RPS6KC1: variants seen among roughly 807,000 people sequenced by gnomAD.
RPS6KC1 encodes the protein inactive ribosomal protein S6 kinase delta-1.
Under a neutral mutation model 103.8 loss-of-function variants are expected in RPS6KC1, and 54 were observed. That is an observed-to-expected ratio of 0.52 (90% confidence interval 0.42 to 0.65). RPS6KC1 has a LOEUF of 0.65. Among genes scored for constraint, RPS6KC1 ranks in the 30% least tolerant of loss-of-function variants. The pLI is 0.00. For synonymous variants in RPS6KC1, 439 were observed against 438.7 expected, an observed-to-expected ratio of 1.00 and a Z score of -0.01; for missense variants, 1,151 against 1,253.8, an observed-to-expected ratio of 0.92 and a Z score of 1.24.
At position 213,238,863 on chromosome 1, in the gene RPS6KC1, GTCA is replaced by G. The variant is rs149604241; in HGVS notation, c.1226-1833_1226-1831del. The stretch of plus-strand genomic sequence containing the variant: ...AAGACTTGATCCTTTCCTCAAAGTA[GTCA>G]TCATCTAGGAGAATTGAAAACCACC... On this transcript the variant is annotated intron_variant, in intron 10 of 14. Coordinates refer to ENST00000366960, the MANE Select transcript of RPS6KC1 (RefSeq NM_012424.6). Among the ~76,000 whole-genome samples, 662 of 152,248 alleles carry G rather than the reference GTCA, an allele frequency of 4.3e-3. 4 individuals carry two copies. Among genetic ancestry groups the G allele is most frequent in the African/African-American group, 0.015 (638 of 41,558 alleles).
chr1:213,623,854 C>G, the RPS6KC1 span, among the ~76,000 whole-genome samples: 626 of 152,314 alleles, frequency 4.1e-3, 6 homozygotes, highest in African/African-American at 0.014. Context: ...CAGCAAGGTG[C>G]TGTGTGTATT....
chr1:213,177,796 C>G (rs2091973124), intron 8 of RPS6KC1, among the ~76,000 whole-genome samples: 1 of 152,004 alleles, frequency 6.6e-6, no homozygotes, highest in African/African-American at 2.4e-5. Flanking sequence ...GTGTCTGCCC[C>G]CTCTCTTAGA....
the RPS6KC1 span, among the ~76,000 whole-genome samples, chr1:213,294,365 A>G: frequency 6.6e-6 from 1 of 152,188 alleles, no homozygotes. Context: ...TGGTCAATAG[A>G]GAGGCCAAGT....
chr1:213,481,066 A>G, the RPS6KC1 span, among the ~76,000 whole-genome samples: 1 of 152,176 alleles, frequency 6.6e-6, no homozygotes, highest in Non-Finnish European at 1.5e-5. Context: ...AGATTGGTCT[A>G]TATTTTTCTT....
rs1423781943 is a variant in RPS6KC1, at chr1:213,240,897, GT to G, written c.1422del (p.Ser474ArgfsTer40). ...GSMLKALPLK[S>X]SLTPSSQDDS... ...ATGCTTAAAGCTCTGCCTTTGAAGA[GT>G]AGTCTTACTCCAAGTTCTCAAGATG... is the stretch of plus-strand genomic sequence containing the variant. On this transcript the variant is annotated frameshift_variant, in exon 11 of 15. Transcript: ENST00000366960. LOFTEE classifies it high-confidence loss of function. 6.2e-7 allele frequency: 1 copy of G among 1,613,900 alleles called. No individual in the cohort carries two copies. The highest frequency in any genetic ancestry group is 8.5e-7 in the Non-Finnish European group (1 of 1,179,898).
chr1:213,380,788 G>A, the RPS6KC1 span, among the ~76,000 whole-genome samples: 6 of 152,262 alleles, frequency 3.9e-5, no homozygotes, highest in East Asian at 1.2e-3. Context: ...CTTCTTCCTC[G>A]TCTCAGTATT....
At chr1:213,277,442 CTGAG>C (rs1451572918), downstream of RPS6KC1, among the ~76,000 whole-genome samples, 1 of 152,138 alleles carries the variant, frequency 6.6e-6, no homozygotes, top group Non-Finnish European at 1.5e-5. Context: ...AGAAAGTAAC[CTGAG>C]TGAGTAAGTT....
At chr1:213,158,898 C>T (rs2090188047) in intron 6 of RPS6KC1, among the ~76,000 whole-genome samples, 1 of 152,022 alleles carries the variant, frequency 6.6e-6, no homozygotes, top group Non-Finnish European at 1.5e-5. Flanking sequence ...AGATTACTTA[C>T]CCAGAACCTT....
At chr1:213,473,425 TG>T in the RPS6KC1 span, among the ~76,000 whole-genome samples, 1 of 152,228 alleles carries the variant, frequency 6.6e-6, no homozygotes, top group Non-Finnish European at 1.5e-5. Context: ...ACTTAGTTCC[TG>T]ACTTCTCTTT....
chr1:213,103,040 C>A (rs1194220484), intron 3 of RPS6KC1, among the ~76,000 whole-genome samples: 1 of 152,052 alleles, frequency 6.6e-6, no homozygotes, highest in Non-Finnish European at 1.5e-5. Flanking sequence ...GACCCTCTCT[C>A]TACAAAATAA....
chr1:213,691,889 G>T, the RPS6KC1 span, among the ~76,000 whole-genome samples: 1 of 152,170 alleles, frequency 6.6e-6, no homozygotes, highest in African/African-American at 2.4e-5. Context: ...TCCCAAAGGG[G>T]CAGGAAGGCT....
chr1:213,230,528 A>T lies in RPS6KC1; in HGVS notation c.1076A>T (p.Gln359Leu). Residue 359 changes from glutamine (Q) to leucine (L), a missense_variant, in exon 9 of 15, where the codon CAG (glutamine) becomes CTG (leucine). Coordinates refer to ENST00000366960, the MANE Select transcript of RPS6KC1 (RefSeq NM_012424.6). ...CTTGTAATGGACACAAGGACAGAAC[A>T]GACTTTCATTTTAAAAGTAAGTAAA... The part of the protein sequence containing the change: ...VLLVMDTRTE[Q>L]TFILKGLRKS... 3.7e-6 allele frequency: 6 copies of T among 1,605,708 alleles called. No homozygotes were observed. The highest frequency in any genetic ancestry group is 5.1e-6 in the Non-Finnish European group (6 of 1,175,680).
At position 213,219,619 on chromosome 1, in the gene RPS6KC1, A is replaced by G. The variant is rs1278569872; in HGVS notation, c.1045-10878A>G. On this transcript the variant is annotated intron_variant, in intron 8 of 14. Transcript: ENST00000366960. ...GACTTAGAACCAACCCAAATGTCCA[A>G]CAACAATAGACTGGATTAAGAAAAT... Among the ~76,000 whole-genome samples, 15 of 152,204 alleles carry G rather than the reference A, an allele frequency of 9.9e-5. 1 individual carries two copies. The South Asian group carries it at 2.3e-3, about 23-fold the overall frequency.
At chr1:213,506,382 A>G in the RPS6KC1 span, among the ~76,000 whole-genome samples, 2,024 of 152,346 alleles carry the variant, frequency 0.013, 45 homozygotes, top group African/African-American at 0.046. Flanking sequence ...AAGCAACACC[A>G]TGTTTTAATA....
the RPS6KC1 span, among the ~76,000 whole-genome samples, chr1:213,801,198 T>C: frequency 6.6e-6 from 1 of 152,196 alleles, no homozygotes; most frequent in Non-Finnish European, 1.5e-5. Context: ...ACTAGTGACA[T>C]TGACATGCTT....
chr1:213,728,965 T>TA, the RPS6KC1 span, among the ~76,000 whole-genome samples: 4 of 141,040 alleles, frequency 2.8e-5, no homozygotes, highest in African/African-American at 5.5e-5. Context: ...TTTTTTTTTT[T>TA]ACCAGTGGAC....
At chr1:213,752,223 A>G in the RPS6KC1 span, among the ~76,000 whole-genome samples, 3,199 of 152,266 alleles carry the variant, frequency 0.021, 118 homozygotes, top group African/African-American at 0.073. Context: ...TCTAAACTAC[A>G]GTGAATCTAA....
At chr1:213,369,262 G>A in the RPS6KC1 span, among the ~76,000 whole-genome samples, 114 of 152,312 alleles carry the variant, frequency 7.5e-4, no homozygotes, top group African/African-American at 2.6e-3. Context: ...CTGCACCTTG[G>A]CTTGTTTGGA....
chr1:213,778,942 C>T, the RPS6KC1 span, among the ~76,000 whole-genome samples: 1 of 152,112 alleles, frequency 6.6e-6, no homozygotes, highest in African/African-American at 2.4e-5. Flanking sequence ...CTGAGGCTCC[C>T]AACACTTTCC....
Sources: allele counts gnomAD v4.1 joint callset (sites outside exome capture counted in the v4.1 genomes callset), GRCh38; gene constraint gnomAD v4.1.1; transcripts MANE v1.5; gene names NCBI Gene and HGNC (gene_info 2026-07-23, HGNC 2026-07-21).